UPF2: variants seen among roughly 807,000 people sequenced by gnomAD.
The protein encoded by UPF2 is UPF2 regulator of nonsense mediated mRNA decay.
Under a neutral mutation model 141.4 loss-of-function variants are expected in UPF2, and 17 were observed. That is an observed-to-expected ratio of 0.12 (90% confidence interval 0.08 to 0.18). UPF2 has a LOEUF of 0.18. UPF2 is among the 10% of genes least tolerant of loss of function. The probability of loss-of-function intolerance (pLI) is 1.00; values close to 1 mark genes in which losing one functional copy is unlikely to be tolerated. For missense variants in UPF2, 1,152 were observed against 1,515.9 expected, an observed-to-expected ratio of 0.76 and a Z score of 3.99; for synonymous variants, 540 against 498.0, an observed-to-expected ratio of 1.08 and a Z score of -1.12.
At chr10:11,971,014 T>A (rs747199758) in intron 9 of UPF2, among the ~76,000 whole-genome samples, 23 of 152,024 alleles carry the variant, frequency 1.5e-4, no homozygotes, top group Non-Finnish European at 2.6e-4. Flanking sequence ...CATGTTAACA[T>A]CCTGTATCAT....
rs927776849 is a variant in UPF2, at chr10:11,936,095, T to G, written c.3546+450A>C. Among the ~76,000 whole-genome samples, 6 of 152,096 alleles carry G rather than the reference T, an allele frequency of 3.9e-5. No individual in the cohort carries two copies. The highest frequency in any genetic ancestry group is 1.4e-4 in the African/African-American group (6 of 41,430). Reference sequence around the variant, plus strand: ...GATTTAAAACACATAAGGGGCCAAGTGCAGTTGCTCACGCCTATAATCCAA... The same window carrying G: ...GATTTAAAACACATAAGGGGCCAAGGGCAGTTGCTCACGCCTATAATCCAA... On this transcript the variant is annotated intron_variant, in intron 19 of 21. Transcript: ENST00000357604. The surrounding 1 kb of genome is among the most constrained non-coding windows in gnomAD (Gnocchi z 6.6).
In UPF2 at chr10:11,970,976, G is replaced by A. The variant is rs150635342; in HGVS notation, c.1954-3522C>T. ...GCTATGGAGTATCACACCATTTTAA[G>A]CATTACTAAGCATTCTAGTTTTCAA... is the stretch of plus-strand genomic sequence containing the variant. On this transcript the variant is annotated intron_variant, in intron 9 of 21. Coordinates refer to ENST00000357604, the MANE Select transcript of UPF2 (RefSeq NM_015542.4). Among the ~76,000 whole-genome samples the A allele has an allele frequency of 1.6e-3, 237 of 151,930 alleles. 1 individual carries two copies. Among genetic ancestry groups the A allele is most frequent in the African/African-American group, 5.3e-3 (219 of 41,440 alleles).
intron 21 of UPF2, 108 bp downstream of exon 21, chr10:11,929,757 T>C: frequency 6.8e-7 from 1 of 1,461,744 alleles, no homozygotes; most frequent in Non-Finnish European, 9.2e-7. Context: ...CTTTTCTATT[T>C]TGCTAAAAAT....
intron 18 of UPF2, among the ~76,000 whole-genome samples, chr10:11,938,845 T>TTTTTTTTGTTTTTTTG (rs1564337743): frequency 8.5e-5 from 10 of 117,598 alleles, no homozygotes; most frequent in African/African-American, 3.8e-4. Context: ...TAAGCAAGTT[T>TTTTTTTTGTTTTTTTG]TTTTTTTGTT....
At chr10:11,965,512 T>A (rs1199569076) in intron 10 of UPF2, among the ~76,000 whole-genome samples, 1 of 152,182 alleles carries the variant, frequency 6.6e-6, no homozygotes, top group Non-Finnish European at 1.5e-5. Context: ...CAGTCTGGAG[T>A]GCAGTGGCGC....
intron 4 of UPF2, among the ~76,000 whole-genome samples, chr10:12,012,208 G>A (rs192140965): frequency 2.7e-5 from 4 of 150,892 alleles, no homozygotes; most frequent in East Asian, 2.1e-4. Context: ...GATTACAGGC[G>A]CACACCACCA....
At chr10:11,927,789 A>G (rs1832731097) in intron 21 of UPF2, among the ~76,000 whole-genome samples, 1 of 152,168 alleles carries the variant, frequency 6.6e-6, no homozygotes, top group Non-Finnish European at 1.5e-5. Context: ...CTACATTACA[A>G]TTTGATTAGA....
intron 5 of UPF2, among the ~76,000 whole-genome samples, chr10:12,003,856 C>A (rs1309768453): frequency 7.4e-6 from 1 of 135,232 alleles, no homozygotes; most frequent in African/African-American, 2.7e-5. Context: ...ACCTGGGAAG[C>A]GTAGGTTGCA....
intron 18 of UPF2, among the ~76,000 whole-genome samples, chr10:11,942,147 G>C (rs886265009): frequency 1.3e-5 from 2 of 152,188 alleles, no homozygotes; most frequent in Admixed American, 1.3e-4. Flanking sequence ...GCCGTAGCAG[G>C]AGGATCACCT....
At chr10:12,008,219 A>G (rs1834067699) in intron 4 of UPF2, among the ~76,000 whole-genome samples, 1 of 152,132 alleles carries the variant, frequency 6.6e-6, no homozygotes, top group Non-Finnish European at 1.5e-5. Flanking sequence ...AAAGATTCAA[A>G]TAGGAATTTC....
At position 11,928,687 on chromosome 10, in the gene UPF2, C is replaced by T. The variant is rs193109360; in HGVS notation, c.3809+1178G>A. 267 of 337,468 alleles carry T rather than the reference C, an allele frequency of 7.9e-4. 1 individual carries two copies. The highest frequency in any genetic ancestry group is 5.3e-3 in the African/African-American group (232 of 43,554). 20.9% of individuals were successfully genotyped at this position (337,468 alleles called of 1,614,324 possible). A position where few individuals can be genotyped will look rare whatever the true frequency, so the allele number is the denominator to read the frequency against. On this transcript the variant is annotated intron_variant, in intron 21 of 21. Transcript: ENST00000357604. ...TGGCGCCACTGCATTCCAGCCTGGG[C>T]GACAGAGCCAGACTCCGCCTCAGAA... is the stretch of plus-strand genomic sequence containing the variant.
At position 12,006,522 on chromosome 10, in the gene UPF2, C is replaced by G. The variant is rs146339752; in HGVS notation, c.1307-1795G>C. Among the ~76,000 whole-genome samples, 2 of 152,062 alleles carry G rather than the reference C, an allele frequency of 1.3e-5. 1 individual carries two copies. The highest frequency in any genetic ancestry group is 4.1e-4 in the South Asian group (2 of 4,824). On this transcript the variant is annotated intron_variant, in intron 4 of 21. Coordinates refer to ENST00000357604, the MANE Select transcript of UPF2 (RefSeq NM_015542.4). ...AAAAACAAAAAAAACACTGGCTCCT[C>G]GAAACTCCTTACTTTCCTTACAGAA...
rs1295759711 is a variant in UPF2, at chr10:11,994,900, TG to T, written c.1844+2771del. On this transcript the variant is annotated intron_variant, in intron 8 of 21. Transcript: ENST00000357604. Reference sequence around the variant, plus strand: ...CTGAGGCAGGAGAATGGCGTGAACCTGGGAGGCAGAGCTTGCAGTGAGCCGA... The same window carrying T: ...CTGAGGCAGGAGAATGGCGTGAACCTGGAGGCAGAGCTTGCAGTGAGCCGA... 2.1e-4 allele frequency among the ~76,000 whole-genome samples: 28 copies of T among 135,460 alleles called. No individual in the cohort carries two copies. In the Middle Eastern group the frequency reaches 0.014, roughly 68 times the overall value. The allele number at this position is 135,460 out of a possible 152,430, so 88.9% of individuals were successfully genotyped here.
At chr10:12,037,585 G>A (rs748571037) in intron 1 of UPF2, among the ~76,000 whole-genome samples, 2 of 150,828 alleles carry the variant, frequency 1.3e-5, no homozygotes, top group Non-Finnish European at 3.0e-5. Context: ...TAGTAAAGAT[G>A]GGTTTCACCA....
At chr10:11,985,911 A>G (rs1472049803) in intron 8 of UPF2, among the ~76,000 whole-genome samples, 4 of 33,170 alleles carry the variant, frequency 1.2e-4, no homozygotes. Context: ...GTGAGACGGA[A>G]TCTCGCTGTG....
intron 18 of UPF2, among the ~76,000 whole-genome samples, chr10:11,942,261 T>C (rs1048608754): frequency 2.6e-5 from 4 of 151,948 alleles, no homozygotes; most frequent in Non-Finnish European, 5.9e-5. Flanking sequence ...TAATCCCAGC[T>C]ACTAGGGAGG....
chr10:12,025,012 C>A (rs1023716439), intron 3 of UPF2, among the ~76,000 whole-genome samples: 1 of 149,082 alleles, frequency 6.7e-6, no homozygotes, highest in African/African-American at 2.5e-5. Context: ...AGCAGAACAC[C>A]ATAATGTACC....
intron 2 of UPF2, among the ~76,000 whole-genome samples, chr10:12,033,768 T>C (rs1319205454): frequency 1.3e-5 from 2 of 152,186 alleles, no homozygotes; most frequent in African/African-American, 4.8e-5. Context: ...AGGCTGGTCT[T>C]GAACTCCTGA....
At chr10:11,934,692 T>C (rs534245645) in intron 19 of UPF2, among the ~76,000 whole-genome samples, 14 of 152,138 alleles carry the variant, frequency 9.2e-5, no homozygotes, top group Admixed American at 3.9e-4. Context: ...TGGGTTCAAG[T>C]GATTCTCCTG....
Sources: allele counts gnomAD v4.1 joint callset (sites outside exome capture counted in the v4.1 genomes callset), GRCh38; gene constraint gnomAD v4.1.1; non-coding constraint Gnocchi (gnomAD v3.1); transcripts MANE v1.5; gene names NCBI Gene and HGNC (gene_info 2026-07-23, HGNC 2026-07-21).